The following C1orf21 variants were observed in gnomAD, a reference collection of about 807,000 sequenced individuals.
The protein encoded by C1orf21 is chromosome 1 open reading frame 21.
C1orf21 carries 3 observed loss-of-function variants against 18.7 expected under a neutral mutation model. That is an observed-to-expected ratio of 0.16 (90% CI 0.07 to 0.42). The LOEUF (loss-of-function observed/expected upper bound fraction) is 0.42. Among genes scored for constraint, C1orf21 ranks in the 10% least tolerant of loss-of-function variants. The probability of loss-of-function intolerance (pLI) is 0.99; values close to 1 mark genes in which losing one functional copy is unlikely to be tolerated. For missense variants in C1orf21, 104 were observed against 143.6 expected (o/e 0.72, Z 1.41); for synonymous variants, 41 against 46.4 (o/e 0.88, Z 0.47).
intron 1 of C1orf21, among the ~76,000 whole-genome samples, chr1:184,420,295 G>T (rs1411159154): frequency 6.6e-5 from 10 of 151,894 alleles, no homozygotes; most frequent in Admixed American, 5.9e-4. Context: ...AATTACTTTT[G>T]TGGGGGGGTG....
At chr1:184,571,288 C>T (rs1390614840) in intron 3 of C1orf21, among the ~76,000 whole-genome samples, 1 of 112,074 alleles carries the variant, frequency 8.9e-6, no homozygotes, top group Non-Finnish European at 1.7e-5. Flanking sequence ...CAGAGCGAGA[C>T]TCCGTCTCAA....
At chr1:184,601,631 G>A (rs185126180) in intron 5 of C1orf21, among the ~76,000 whole-genome samples, 97 of 152,258 alleles carry the variant, frequency 6.4e-4, no homozygotes, top group African/African-American at 2.2e-3. Context: ...AGCCAGGCGC[G>A]GTGGCTCACA....
chr1:184,410,663 A>ATTTTTTTT (rs71297843), intron 1 of C1orf21, among the ~76,000 whole-genome samples: 4 of 7,678 alleles, frequency 5.2e-4, no homozygotes, highest in Non-Finnish European at 7.7e-4. Flanking sequence ...ATATATATAT[A>ATTTTTTTT]TTTTTTTTTT....
Position 184,554,242 on chromosome 1 carries a change from T to A in C1orf21, c.190-36497T>A, listed in dbSNP as rs1423460822. On this transcript the variant is annotated intron_variant, in intron 3 of 5. Transcript: ENST00000235307. ...CTTGATACCAGTAATTTGTAAGGGA[T>A]CTATATAGTTTGAATGTATTTGAGT... Among the ~76,000 whole-genome samples, 4 of 152,328 alleles carry A rather than the reference T, an allele frequency of 2.6e-5. No individual in the cohort carries two copies. In the East Asian group the frequency reaches 7.7e-4, roughly 29 times the overall value.
At chr1:184,414,952 A>G (rs1656425499) in intron 1 of C1orf21, among the ~76,000 whole-genome samples, 1 of 152,152 alleles carries the variant, frequency 6.6e-6, no homozygotes, top group African/African-American at 2.4e-5. Context: ...AACGTTTGAG[A>G]TTGTTAGAGG....
chr1:184,611,381 C>T (rs2102008685), intron 5 of C1orf21, among the ~76,000 whole-genome samples: 1 of 152,310 alleles, frequency 6.6e-6, no homozygotes, highest in East Asian at 1.9e-4. Context: ...GCACCTGCTT[C>T]CTACAGGAGG....
intron 2 of C1orf21, among the ~76,000 whole-genome samples, chr1:184,504,484 C>G (rs1658023669): frequency 6.6e-6 from 1 of 152,216 alleles, no homozygotes; most frequent in Admixed American, 6.5e-5. Flanking sequence ...GATTGTTTTA[C>G]TGTCGTAACC....
intron 1 of C1orf21, among the ~76,000 whole-genome samples, chr1:184,465,570 G>T (rs939038784): frequency 6.6e-6 from 1 of 152,028 alleles, no homozygotes; most frequent in African/African-American, 2.4e-5. Flanking sequence ...CCTGTTCCTG[G>T]GGTGGTAATG....
chr1:184,413,147 G>T (rs889385024), intron 1 of C1orf21, among the ~76,000 whole-genome samples: 2 of 152,212 alleles, frequency 1.3e-5, no homozygotes, highest in Non-Finnish European at 2.9e-5. Context: ...GTGGACACCT[G>T]TTGCTGTGGT....
intron 3 of C1orf21, among the ~76,000 whole-genome samples, chr1:184,524,543 T>G (rs1440431068): frequency 6.6e-6 from 1 of 152,132 alleles, no homozygotes; most frequent in Non-Finnish European, 1.5e-5. Flanking sequence ...ATTAAAATAT[T>G]CTTCTAAAAT....
At chr1:184,439,236 A>G (rs1656907813) in intron 1 of C1orf21, among the ~76,000 whole-genome samples, 1 of 151,818 alleles carries the variant, frequency 6.6e-6, no homozygotes, top group Admixed American at 6.6e-5. Context: ...AACCAAAACA[A>G]AACTGTTCTT....
chr1:184,553,848 G>A (rs1054481230), intron 3 of C1orf21, among the ~76,000 whole-genome samples: 3 of 152,178 alleles, frequency 2.0e-5, no homozygotes, highest in Non-Finnish European at 4.4e-5. Flanking sequence ...AGAGGAACAA[G>A]GTCATTGTTG....
intron 1 of C1orf21, among the ~76,000 whole-genome samples, chr1:184,464,276 C>T (rs1156636339): frequency 6.6e-6 from 1 of 152,206 alleles, no homozygotes; most frequent in Admixed American, 6.5e-5. Flanking sequence ...GCATTCCTTA[C>T]TTATGTACCC....
rs188058189 is a variant in C1orf21 at position 184,574,055 on chromosome 1, A to C, written c.190-16684A>C. On this transcript the variant is annotated intron_variant, in intron 3 of 5. Transcript: ENST00000235307. ...ACTAAAAGAAAAAAAAAATACAAAA[A>C]TTAGCTGGGCGTGGTGGTACACGCC... Among the ~76,000 whole-genome samples the C allele has an allele frequency of 3.4e-3, 522 of 152,116 alleles. 4 individuals carry two copies. Among genetic ancestry groups the C allele is most frequent in the African/African-American group, 0.012 (499 of 41,518 alleles).
At chr1:184,546,128 T>G (rs1053409354) in intron 3 of C1orf21, 2 of 152,216 alleles carry the variant, frequency 1.3e-5, no homozygotes, top group Non-Finnish European at 2.9e-5. Context: ...CTTAATTAAT[T>G]CACTTCATAA....
At chr1:184,448,699 T>C (rs968112322) in intron 1 of C1orf21, among the ~76,000 whole-genome samples, 3 of 152,152 alleles carry the variant, frequency 2.0e-5, no homozygotes, top group Admixed American at 6.5e-5. Context: ...TTCAAAGAAA[T>C]AGTAGCAGGG....
chr1:184,588,305 C>T (rs1659386207), intron 3 of C1orf21, among the ~76,000 whole-genome samples: 2 of 152,124 alleles, frequency 1.3e-5, no homozygotes, highest in Admixed American at 6.5e-5. Flanking sequence ...AACTTATATT[C>T]ACTACCATGA....
At chr1:184,559,411 G>A (rs1334856690) in intron 3 of C1orf21, among the ~76,000 whole-genome samples, 1 of 151,450 alleles carries the variant, frequency 6.6e-6, no homozygotes, top group Non-Finnish European at 1.5e-5. Context: ...GCAAAACCAT[G>A]AGCCCATTAA....
In C1orf21 at chr1:184,617,285, C is replaced by T. The variant is rs556102218; in HGVS notation, c.328-2233C>T. ...TATATACACTGGAGATGTCCACTTT[C>T]CTTTCCTAATAAAACCTTCAGGAAA... On this transcript the variant is annotated intron_variant, in intron 5 of 5. Coordinates refer to ENST00000235307, the MANE Select transcript of C1orf21 (RefSeq NM_030806.4). Among the ~76,000 whole-genome samples the T allele has an allele frequency of 8.5e-5, 13 of 152,170 alleles. 1 individual carries two copies. In the South Asian group the frequency reaches 2.5e-3, roughly 29 times the overall value.
Sources: allele counts gnomAD v4.1 joint callset (sites outside exome capture counted in the v4.1 genomes callset), GRCh38; gene constraint gnomAD v4.1.1; transcripts MANE v1.5; gene names NCBI Gene and HGNC (gene_info 2026-07-23, HGNC 2026-07-21).